The following ADGB variants were observed in gnomAD, a reference collection of about 807,000 sequenced individuals.
ADGB encodes the protein androglobin.
A neutral mutation model predicts 210.5 loss-of-function variants in ADGB; 172 were observed. The observed-to-expected ratio is 0.82, with a 90% CI of 0.72 to 0.93. ADGB has a LOEUF of 0.93. Among genes scored for constraint, ADGB ranks in the 40% least tolerant of loss-of-function variants. The pLI is 0.00. For synonymous variants in ADGB, 658 were observed against 662.7 expected, an observed-to-expected ratio of 0.99 and a Z score of 0.11; for missense variants, 2,025 against 1,964.8, an observed-to-expected ratio of 1.03 and a Z score of -0.58.
In ADGB at chr6:146,654,117, C is replaced by T. The variant is rs1185998049; in HGVS notation, c.331-18C>T. Reference sequence around the variant, plus strand: ...TATTTTTCTTATGGAGTAATATATACATATATATTTTTTTCAGACTCCAGT... The same window carrying T: ...TATTTTTCTTATGGAGTAATATATATATATATATTTTTTTCAGACTCCAGT... On this transcript the variant is annotated intron_variant, in intron 3 of 35. Coordinates refer to ENST00000397944, the MANE Select transcript of ADGB (RefSeq NM_024694.4). 48 of 1,350,182 alleles carry T rather than the reference C, an allele frequency of 3.6e-5. No homozygotes were observed. Among genetic ancestry groups the T allele is most frequent in the Non-Finnish European group, 4.6e-5 (45 of 968,988 alleles). 83.6% of individuals were successfully genotyped at this position (1,350,182 alleles called of 1,614,324 possible). A position where few individuals can be genotyped will look rare whatever the true frequency, so the allele number is the denominator to read the frequency against.
chr6:146,678,597 A>T (rs1274924032), intron 9 of ADGB, among the ~76,000 whole-genome samples: 6 of 152,190 alleles, frequency 3.9e-5, no homozygotes, highest in Admixed American at 3.3e-4. Context: ...AAAATCTAAT[A>T]TAAAGAACCC....
chr6:146,740,388 CT>C (rs1363603391), intron 23 of ADGB, 70 bp from the exon 24 acceptor site: 6 of 1,311,792 alleles, frequency 4.6e-6, no homozygotes, highest in Non-Finnish European at 6.1e-6. Flanking sequence ...TTTGTCATTT[CT>C]TTTTGTAAAT....
Position 146,691,218 on chromosome 6 carries a change from A to G in ADGB, c.1414A>G (p.Lys472Glu). 1 of 1,549,448 alleles carries G rather than the reference A, an allele frequency of 6.5e-7. No homozygotes were observed. Among genetic ancestry groups the G allele is most frequent in the Non-Finnish European group, 8.7e-7 (1 of 1,146,458 alleles). ...SRSCPLVAPP[K>E]PPPLPPWKLI... is the part of the protein sequence containing the mutation. ...GTCTTGTCCTCTGGTAGCACCACCA[A>G]AACCACCTCCTCTACCTCCCTGGAA... The change falls in exon 11 of 36, where the codon AAA becomes GAA. Residue 472 changes from lysine to glutamate, a missense_variant. Transcript: ENST00000397944.
chr6:146,669,746 T>C (rs1775981257), intron 7 of ADGB, among the ~76,000 whole-genome samples: 2 of 152,092 alleles, frequency 1.3e-5, no homozygotes, highest in South Asian at 4.1e-4. Context: ...ACAAACTGTT[T>C]GACAATGATT....
Position 146,704,531 on chromosome 6 carries a change from A to G in ADGB, c.1707+3461A>G, listed in dbSNP as rs192456163. On this transcript the variant is annotated intron_variant, in intron 13 of 35. Coordinates refer to ENST00000397944, the MANE Select transcript of ADGB (RefSeq NM_024694.4). ...TGACATTCCTCTTTTGTAAATGGATATCCCAAAATCATTTACTGAAGAGAC... is the reference window on the plus strand; with the variant it reads ...TGACATTCCTCTTTTGTAAATGGATGTCCCAAAATCATTTACTGAAGAGAC... Among the ~76,000 whole-genome samples the G allele has an allele frequency of 4.6e-4, 70 of 152,164 alleles. No homozygotes were observed. The East Asian group carries it at 8.9e-3, about 19-fold the overall frequency.
At position 146,788,505 on chromosome 6, in the gene ADGB, A is replaced by G. The variant is rs1269057121; in HGVS notation, c.4432A>G (p.Thr1478Ala). The G allele has an allele frequency of 1.9e-6, 3 of 1,551,530 alleles. No individual in the cohort carries two copies. The highest frequency in any genetic ancestry group is 1.4e-5 in the African/African-American group (1 of 73,024). The change falls in exon 33 of 36, where the codon ACC becomes GCC. Residue 1478 changes from threonine (T) to alanine (A), a missense_variant. Transcript: ENST00000397944. The part of the protein sequence containing the change: ...GSAVWKKWQL[T>A]KGLRDVAKST... ...TGCGGTGTGGAAGAAGTGGCAATTG[A>G]CCAAAGGCTTGAGGGATGTGGCAAA...
chr6:146,615,532 A>T (rs929309905), intron 1 of ADGB, among the ~76,000 whole-genome samples: 10 of 151,768 alleles, frequency 6.6e-5, no homozygotes, highest in Non-Finnish European at 1.2e-4. Flanking sequence ...ACTAAAACTT[A>T]CTCCTTCTAT....
At chr6:146,674,996 T>G (rs1049296341) in intron 8 of ADGB, among the ~76,000 whole-genome samples, 1 of 152,198 alleles carries the variant, frequency 6.6e-6, no homozygotes, top group Admixed American at 6.5e-5. Context: ...TTCCTAAAAT[T>G]AGTTTTATTG....
chr6:146,645,169 A>G (rs1373104989), intron 3 of ADGB, among the ~76,000 whole-genome samples: 2 of 152,002 alleles, frequency 1.3e-5, no homozygotes, highest in Non-Finnish European at 2.9e-5. Flanking sequence ...TCTGATTGAC[A>G]CACTTCTTTC....
chr6:146,701,537 G>A (rs1441261117), intron 13 of ADGB, among the ~76,000 whole-genome samples: 1 of 151,604 alleles, frequency 6.6e-6, no homozygotes, highest in African/African-American at 2.4e-5. Context: ...CTTGCTTTTT[G>A]TTTCTTACTA....
chr6:146,669,583 C>T (rs1775979176), intron 7 of ADGB, among the ~76,000 whole-genome samples: 1 of 152,098 alleles, frequency 6.6e-6, no homozygotes, highest in Non-Finnish European at 1.5e-5. Flanking sequence ...TTTTGCAACA[C>T]TTGCTTCCCT....
Position 146,716,975 on chromosome 6 carries a change from A to G in ADGB, c.1834A>G (p.Thr612Ala). 1.3e-6 allele frequency: 2 copies of G among 1,551,632 alleles called. No individual in the cohort carries two copies. The highest frequency in any genetic ancestry group is 1.2e-5 in the South Asian group (1 of 84,056). ...EREIVSQTTA[T>A]QEKSQEELPT... ...AGAGATAGTCAGCCAGACCACAGCA[A>G]CACAGGAAAAGTCACAGGAAGAACT... is the stretch of plus-strand genomic sequence containing the variant. Residue 612 changes from threonine (T) to alanine (A), a missense_variant, in exon 15 of 36, where the codon ACA becomes GCA. Coordinates refer to ENST00000397944, the MANE Select transcript of ADGB (RefSeq NM_024694.4).
At chr6:146,674,059 GA>G (rs1285910296) in intron 8 of ADGB, among the ~76,000 whole-genome samples, 3 of 152,082 alleles carry the variant, frequency 2.0e-5, no homozygotes, top group Non-Finnish European at 4.4e-5. Flanking sequence ...GGGGCCAAAG[GA>G]AAAAGTGTTG....
intron 18 of ADGB, 125 bp downstream of exon 18, chr6:146,724,452 A>G: frequency 1.0e-6 from 1 of 960,472 alleles, no homozygotes; most frequent in Non-Finnish European, 1.5e-6. Flanking sequence ...CTCAAGGCAT[A>G]GGTCCATGAT....
intron 19 of ADGB, among the ~76,000 whole-genome samples, chr6:146,727,474 C>T (rs1269381583): frequency 6.6e-6 from 1 of 152,132 alleles, no homozygotes; most frequent in Non-Finnish European, 1.5e-5. Context: ...TTGCTTATTT[C>T]AAGTTGTCTT....
intron 1 of ADGB, among the ~76,000 whole-genome samples, chr6:146,631,807 G>T (rs940386178): frequency 1.3e-5 from 2 of 151,996 alleles, no homozygotes; most frequent in East Asian, 3.9e-4. Context: ...GAAGCACCTT[G>T]CTATAATAGG....
At chr6:146,799,800 T>TTTGTTG (rs966263828) in intron 33 of ADGB, among the ~76,000 whole-genome samples, 3 of 151,692 alleles carry the variant, frequency 2.0e-5, no homozygotes, top group Non-Finnish European at 2.9e-5. Flanking sequence ...AACTGTTTCT[T>TTTGTTG]TTGTTGTTGT....
chr6:146,665,601 G>C (rs1775927932), intron 6 of ADGB, among the ~76,000 whole-genome samples: 1 of 151,946 alleles, frequency 6.6e-6, no homozygotes, highest in Admixed American at 6.6e-5. Context: ...TAATTGGAGT[G>C]GTATTTTATC....
rs185414317 is a variant in ADGB at position 146,703,128 on chromosome 6, G to A, written c.1707+2058G>A. On this transcript the variant is annotated intron_variant, in intron 13 of 35. Coordinates refer to ENST00000397944, the MANE Select transcript of ADGB (RefSeq NM_024694.4). ...TGTCTTTTGCCTAATTTCCATTTGGGTTGTATGTTCCTATTTTACCAATTC... is the reference window on the plus strand; with the variant it reads ...TGTCTTTTGCCTAATTTCCATTTGGATTGTATGTTCCTATTTTACCAATTC... 3.7e-3 allele frequency among the ~76,000 whole-genome samples: 555 copies of A among 151,820 alleles called. 2 individuals are homozygous for A. The highest frequency in any genetic ancestry group is 5.6e-3 in the Non-Finnish European group (378 of 67,760).
Sources: gnomAD v4.1 joint callset for allele counts (sites outside exome capture counted in the v4.1 genomes callset) on GRCh38, gnomAD v4.1.1 for gene constraint, MANE v1.5 for transcripts, NCBI Gene and HGNC (gene_info 2026-07-23, HGNC 2026-07-21) for gene names.